The following MIER1 variants were observed in gnomAD, a reference collection of about 807,000 sequenced individuals.
The protein encoded by MIER1 is MIER1 transcriptional regulator, also known as mesoderm induction early response protein 1.
Under a neutral mutation model 75.7 loss-of-function variants are expected in MIER1, and 40 were observed. That is an observed-to-expected ratio of 0.53 (90% CI 0.41 to 0.69). MIER1 has a LOEUF of 0.69. MIER1 is among the 30% of genes least tolerant of loss of function. The probability of loss-of-function intolerance (pLI) is 0.00; values close to 1 mark genes in which losing one functional copy is unlikely to be tolerated. For synonymous variants in MIER1, 213 were observed against 223.4 expected, an observed-to-expected ratio of 0.95 and a Z score of 0.42; for missense variants, 574 against 680.2, an observed-to-expected ratio of 0.84 and a Z score of 1.74.
Position 66,985,957 on chromosome 1 carries a change from T to C in MIER1, c.*1057T>C. Reference sequence around the variant, plus strand: ...TTATTTTTGAAGCAAGACAAAAGTTTAATGTCAGCTTAAGTGCTTAAATAT... The same window carrying C: ...TTATTTTTGAAGCAAGACAAAAGTTCAATGTCAGCTTAAGTGCTTAAATAT... On this transcript the variant is annotated 3_prime_UTR_variant, in exon 14 of 14. Coordinates refer to ENST00000401041, the MANE Select transcript of MIER1 (RefSeq NM_001077700.3). 1.0e-6 allele frequency: 1 copy of C among 985,282 alleles called. No homozygotes were observed. The highest frequency in any genetic ancestry group is 1.2e-6 in the Non-Finnish European group (1 of 829,706). The allele number at this position is 985,282 out of a possible 1,614,324, so 61.0% of individuals were successfully genotyped here. A position where few individuals can be genotyped will look rare whatever the true frequency, so the allele number is the denominator to read the frequency against.
intron 2 of MIER1, chr1:66,929,108 G>A: frequency 1.5e-6 from 1 of 663,774 alleles, no homozygotes; most frequent in Non-Finnish European, 2.6e-6. Flanking sequence ...GAATTTTAAG[G>A]GAATATAAAT....
chr1:66,925,123 T>C (rs1651173985), intron 1 of MIER1, 28 bp downstream of exon 1: 2 of 1,542,760 alleles, frequency 1.3e-6, no homozygotes, highest in Non-Finnish European at 1.7e-6. Context: ...AAGCCATCTC[T>C]CCCCTTCTAT....
chr1:66,982,297 T>G (rs1323254747), intron 13 of MIER1, among the ~76,000 whole-genome samples: 1 of 152,148 alleles, frequency 6.6e-6, no homozygotes, highest in Non-Finnish European at 1.5e-5. Flanking sequence ...AATACCTTGA[T>G]GTAAGGTAAC....
chr1:66,977,618 G>A (rs1020328003), intron 12 of MIER1, among the ~76,000 whole-genome samples: 2 of 151,982 alleles, frequency 1.3e-5, no homozygotes, highest in Admixed American at 1.3e-4. Context: ...AGAATTTATT[G>A]TCTACACCTC....
At chr1:66,957,321 G>A (rs761626773) in intron 4 of MIER1, among the ~76,000 whole-genome samples, 13 of 152,142 alleles carry the variant, frequency 8.5e-5, no homozygotes, top group Non-Finnish European at 1.3e-4. Context: ...AGGCACCATG[G>A]TGTATTGATA....
intron 8 of MIER1, among the ~76,000 whole-genome samples, chr1:66,965,812 G>A (rs569008762): frequency 2.6e-5 from 4 of 151,826 alleles, no homozygotes; most frequent in South Asian, 4.2e-4. Flanking sequence ...CTCCTTTCCC[G>A]GACTGACCTT....
intron 8 of MIER1, 152 bp downstream of exon 8, chr1:66,963,312 T>C (rs1661631610): frequency 1.9e-6 from 1 of 520,564 alleles, no homozygotes; most frequent in Non-Finnish European, 3.4e-6. Flanking sequence ...TCATTATTTC[T>C]GTGAGAAGAA....
At chr1:66,925,344 T>G in intron 1 of MIER1, 1 of 985,448 alleles carries the variant, frequency 1.0e-6, no homozygotes, top group South Asian at 4.7e-5. Context: ...CCTTTTTGCC[T>G]TCGCGGTGGT....
chr1:66,946,430 A>T (rs1657658466), intron 4 of MIER1, 135 bp downstream of exon 4: 1 of 1,381,450 alleles, frequency 7.2e-7, no homozygotes, highest in African/African-American at 1.5e-5. Flanking sequence ...GTGTGATCAT[A>T]GGTGGGATAT....
chr1:66,962,070 T>C lies in MIER1; in HGVS notation c.700-1018T>C, dbSNP rs1661354562. Among the ~76,000 whole-genome samples the C allele has an allele frequency of 2.6e-5, 4 of 152,278 alleles. No homozygotes were observed. In the South Asian group the frequency reaches 8.3e-4, roughly 32 times the overall value. On this transcript the variant is annotated intron_variant, in intron 7 of 13. Transcript: ENST00000401041. ...TACCTTTCATGCCCAATTTTGAAAA[T>C]GTCAGTAAATGTGTTCTTAACATTT...
chr1:66,943,702 G>C (rs1247483836), intron 3 of MIER1, among the ~76,000 whole-genome samples: 1 of 152,120 alleles, frequency 6.6e-6, no homozygotes, highest in African/African-American at 2.4e-5. Context: ...TTACAGACAT[G>C]AGCCACTGCG....
chr1:66,938,571 A>C (rs1655464793), intron 2 of MIER1, among the ~76,000 whole-genome samples: 1 of 152,208 alleles, frequency 6.6e-6, no homozygotes, highest in African/African-American at 2.4e-5. Flanking sequence ...TTTGAACCAG[A>C]AATGTGTAGC....
At chr1:66,984,130 G>C (rs1223339905) in intron 13 of MIER1, among the ~76,000 whole-genome samples, 2 of 152,208 alleles carry the variant, frequency 1.3e-5, no homozygotes, top group African/African-American at 4.8e-5. Flanking sequence ...TAAAGAAAGA[G>C]CATTCATCTT....
At chr1:66,947,926 C>G (rs902274931) in intron 4 of MIER1, 1 of 985,328 alleles carries the variant, frequency 1.0e-6, no homozygotes, top group African/African-American at 1.7e-5. Context: ...GCTCCTTATC[C>G]TCTGGGTTCG....
At position 66,986,569 on chromosome 1, in the gene MIER1, A is replaced by C; in HGVS notation, c.*1669A>C. 3.2e-6 allele frequency: 3 copies of C among 944,460 alleles called. No homozygotes were observed. Among genetic ancestry groups the C allele is most frequent in the Non-Finnish European group, 5.1e-6 (3 of 587,014 alleles). 58.5% of individuals were successfully genotyped at this position (944,460 alleles called of 1,614,324 possible). On this transcript the variant is annotated 3_prime_UTR_variant, in exon 14 of 14. Transcript: ENST00000401041. ...TAGCATTCAGGCCTTACCCCCATGA[A>C]GTATTACTGTTAACATATGTTCGGA...
chr1:66,954,748 C>T (rs1281802027), intron 4 of MIER1, among the ~76,000 whole-genome samples: 1 of 151,584 alleles, frequency 6.6e-6, no homozygotes, highest in African/African-American at 2.4e-5. Context: ...ACTCTGTCAC[C>T]CAGGCTGGAG....
rs577996004 is a variant in MIER1, at chr1:66,988,237, C to T, written c.*3337C>T. On this transcript the variant is annotated 3_prime_UTR_variant, in exon 14 of 14. Coordinates refer to ENST00000401041, the MANE Select transcript of MIER1 (RefSeq NM_001077700.3). ...AAGAACAGGAGTTTCCAAATTTTAACCTTTTATTCTAAAAATGACTCTCTT... is the reference window on the plus strand; with the variant it reads ...AAGAACAGGAGTTTCCAAATTTTAATCTTTTATTCTAAAAATGACTCTCTT... 6.6e-6 allele frequency: 1 copy of T among 152,400 alleles called. No homozygotes were observed. The highest frequency in any genetic ancestry group is 2.1e-4 in the South Asian group (1 of 4,828). The allele number at this position is 152,400 out of a possible 1,614,324, so 9.4% of individuals were successfully genotyped here.
rs76533391 is a variant in MIER1, at chr1:66,958,923, G to A, written c.574G>A (p.Val192Ile). The A allele has an allele frequency of 1.9e-6, 3 of 1,612,700 alleles. No individual in the cohort carries two copies. The highest frequency in any genetic ancestry group is 1.3e-5 in the African/African-American group (1 of 74,864). Residue 192 changes from valine (V) to isoleucine (I), a missense_variant, in exon 6 of 14, where the codon GTT (valine) becomes ATT (isoleucine). Val to Ile is a conservative substitution (Grantham distance 29). Transcript: ENST00000401041. ...TTCCAATGATGATCCATCACAATCT[G>A]TTGCTTCTCAAGATGCCCAGGAAAT... is the stretch of plus-strand genomic sequence containing the variant. ...QSSNDDPSQS[V>I]ASQDAQEIIR...
chr1:66,935,766 G>T (rs1406826834), intron 2 of MIER1, among the ~76,000 whole-genome samples: 1 of 152,022 alleles, frequency 6.6e-6, no homozygotes, highest in Non-Finnish European at 1.5e-5. Flanking sequence ...TCATATTCCA[G>T]CCCAGTTTAC....
Sources: allele counts gnomAD v4.1 joint callset (sites outside exome capture counted in the v4.1 genomes callset), GRCh38; gene constraint gnomAD v4.1.1; transcripts MANE v1.5; gene names NCBI Gene and HGNC (gene_info 2026-07-23, HGNC 2026-07-21).